CACNA1A: variants seen among roughly 807,000 people sequenced by gnomAD.
The protein encoded by CACNA1A is calcium voltage-gated channel subunit alpha1 A, also known as voltage-dependent P/Q-type calcium channel subunit alpha-1A.
A neutral mutation model predicts 262.4 loss-of-function variants in CACNA1A; 57 were observed. That is an observed-to-expected ratio of 0.22 (90% CI 0.18 to 0.27). The LOEUF is 0.27. Among genes scored for constraint, CACNA1A ranks in the 10% least tolerant of loss-of-function variants. CACNA1A has a pLI of 1.00. For synonymous variants in CACNA1A, 1,431 were observed against 1,419.3 expected (o/e 1.01, Z -0.18); for missense variants, 2,526 against 3,562.8 (o/e 0.71, Z 7.41).
At chr19:13,284,434 G>A (rs994300806) in intron 21 of CACNA1A, 1 of 152,242 alleles carries the variant, frequency 6.6e-6, no homozygotes, top group Non-Finnish European at 1.5e-5. Context: ...TATCTGACAT[G>A]ATCCTTCATT....
chr19:13,212,814 G>A lies in CACNA1A; in HGVS notation c.5941-74C>T, dbSNP rs902046134. The A allele has an allele frequency of 2.9e-5, 19 of 650,104 alleles. No homozygotes were observed. Among genetic ancestry groups the A allele is most frequent in the Admixed American group, 9.7e-5 (3 of 31,044 alleles). 40.3% of individuals were successfully genotyped at this position (650,104 alleles called of 1,614,324 possible). A position where few individuals can be genotyped will look rare whatever the true frequency, so the allele number is the denominator to read the frequency against. ...GACGGTGGTACCCAGAAGGCATTGC[G>A]ACATCCCCAGTATACACACACACAC... On this transcript the variant is annotated intron_variant, in intron 40 of 46. Coordinates refer to ENST00000360228, the MANE Select transcript of CACNA1A (RefSeq NM_001127222.2). This position sits in a 1 kb window ranked among gnomAD's most constrained non-coding sequence, Gnocchi z 5.6.
intron 3 of CACNA1A, among the ~76,000 whole-genome samples, chr19:13,374,431 G>T (rs1385594906): frequency 6.6e-6 from 1 of 151,980 alleles, no homozygotes; most frequent in South Asian, 2.1e-4. Context: ...AATTTTTTTT[G>T]TAGAGATGGG....
At chr19:13,481,509 A>G (rs1979305895) in intron 1 of CACNA1A, among the ~76,000 whole-genome samples, 1 of 148,342 alleles carries the variant, frequency 6.7e-6, no homozygotes, top group South Asian at 2.2e-4. Flanking sequence ...ATCATCACAG[A>G]TCCTTGGAGG....
chr19:13,240,636 T>C (rs1316799720), intron 31 of CACNA1A, among the ~76,000 whole-genome samples: 2 of 151,398 alleles, frequency 1.3e-5, no homozygotes, highest in African/African-American at 4.9e-5. Context: ...GTGTGTGCAG[T>C]GTCTGCGCAG....
chr19:13,468,201 C>G (rs951024948), intron 1 of CACNA1A, among the ~76,000 whole-genome samples: 1 of 151,536 alleles, frequency 6.6e-6, no homozygotes, highest in African/African-American at 2.4e-5. Flanking sequence ...CTCTCGGGGT[C>G]GGGAAGAGAG....
At chr19:13,311,576 G>A (rs897702421) in intron 12 of CACNA1A, among the ~76,000 whole-genome samples, 4 of 152,176 alleles carry the variant, frequency 2.6e-5, no homozygotes, top group East Asian at 1.9e-4. Context: ...GGTGGCTCAC[G>A]CCTGTAATCC....
chr19:13,268,434 ATT>A lies in CACNA1A; in HGVS notation c.3990-5603_3990-5602del, dbSNP rs5827184. On this transcript the variant is annotated intron_variant, in intron 24 of 46. Transcript: ENST00000360228. ...TCCACGACCCCTCTGGAAGTTAGTGATTTTTTTTTTTTTTTTTGAAACGGAGT... is the reference window on the plus strand; with the variant it reads ...TCCACGACCCCTCTGGAAGTTAGTGATTTTTTTTTTTTTTTGAAACGGAGT... Among the ~76,000 whole-genome samples the A allele has an allele frequency of 7.2e-3, 979 of 135,906 alleles. 3 individuals are homozygous for A. Among genetic ancestry groups the A allele is most frequent in the Admixed American group, 0.011 (142 of 13,448 alleles). 89.2% of individuals were successfully genotyped at this position (135,906 alleles called of 152,430 possible). A position where few individuals can be genotyped will look rare whatever the true frequency, so the allele number is the denominator to read the frequency against.
At chr19:13,252,635 C>T (rs555255486) in intron 30 of CACNA1A, 29 of 156,986 alleles carry the variant, frequency 1.8e-4, no homozygotes, top group Admixed American at 1.7e-3. Context: ...GGTGATCCGC[C>T]CACCTTGGCC....
chr19:13,251,769 TTTA>T (rs953723441), intron 30 of CACNA1A, among the ~76,000 whole-genome samples: 6 of 152,074 alleles, frequency 3.9e-5, no homozygotes, highest in South Asian at 4.1e-4. Context: ...CATATTTATT[TTTA>T]TTATTATTAT....
chr19:13,221,645 A>G (rs2144579915), intron 38 of CACNA1A, among the ~76,000 whole-genome samples: 1 of 152,040 alleles, frequency 6.6e-6, no homozygotes, highest in Non-Finnish European at 1.5e-5. Flanking sequence ...GGGACCCCTG[A>G]CCCCTCCGCC....
At chr19:13,462,022 C>T (rs2061133049) in intron 1 of CACNA1A, among the ~76,000 whole-genome samples, 4 of 152,128 alleles carry the variant, frequency 2.6e-5, no homozygotes, top group African/African-American at 7.2e-5. Context: ...TTTGACTCTG[C>T]GTAGGGAAGA....
At chr19:13,375,687 C>T (rs1040612950) in intron 3 of CACNA1A, among the ~76,000 whole-genome samples, 7 of 152,044 alleles carry the variant, frequency 4.6e-5, no homozygotes. Flanking sequence ...ACTTAGGAGG[C>T]TGAGGTGGGA....
intron 3 of CACNA1A, among the ~76,000 whole-genome samples, chr19:13,393,012 G>T (rs950023266): frequency 8.6e-5 from 13 of 152,046 alleles, no homozygotes; most frequent in Admixed American, 5.9e-4. Flanking sequence ...CAAGTGATTT[G>T]CCCCCCTCAG....
intron 3 of CACNA1A, among the ~76,000 whole-genome samples, chr19:13,419,598 A>G (rs779756833): frequency 1.7e-4 from 26 of 151,938 alleles, no homozygotes; most frequent in Non-Finnish European, 3.5e-4. Context: ...GATCGCTTGA[A>G]CCCAGGTGGT....
intron 6 of CACNA1A, among the ~76,000 whole-genome samples, chr19:13,338,725 AG>A (rs914306852): frequency 1.1e-3 from 169 of 152,192 alleles, no homozygotes; most frequent in Admixed American, 2.8e-3. Context: ...ACAGGATATG[AG>A]GGGGGCTTCT....
chr19:13,257,595 G>C (rs775490008), intron 27 of CACNA1A, 44 bp from the exon 28 acceptor site: 1 of 1,385,568 alleles, frequency 7.2e-7, no homozygotes, highest in Non-Finnish European at 1.0e-6. Context: ...AGGAAGGAGA[G>C]AGACAGGGAC....
chr19:13,344,072 G>A (rs2058719472), intron 6 of CACNA1A, among the ~76,000 whole-genome samples: 1 of 151,932 alleles, frequency 6.6e-6, no homozygotes, highest in African/African-American at 2.4e-5. Context: ...AAATTAGCTG[G>A]GTGTGGTGCT....
intron 3 of CACNA1A, among the ~76,000 whole-genome samples, chr19:13,433,173 AT>A (rs987686082): frequency 6.6e-4 from 100 of 151,774 alleles, no homozygotes; most frequent in African/African-American, 2.3e-3. Context: ...GGCACCTGTA[AT>A]CCCAGCTACT....
In CACNA1A at chr19:13,285,206, A is replaced by G. The variant is rs759997306; in HGVS notation, c.3554T>C (p.Val1185Ala). 6.2e-7 allele frequency: 1 copy of G among 1,613,490 alleles called. No individual in the cohort carries two copies. The highest frequency in any genetic ancestry group is 1.1e-5 in the South Asian group (1 of 91,048). The change falls in exon 21 of 47, where the codon GTG (valine) becomes GCG (alanine). Residue 1185 changes from valine (V) to alanine (A), a missense_variant and splice_region_variant. By Grantham distance (64) the Val-to-Ala change is moderately conservative. This residue lies in a region of CACNA1A where 765 missense variants were observed against 748.6 expected (regional missense o/e 1.02). Transcript: ENST00000360228. ...TGGGTCTGGGTTGGCGTTTTTGTTC[A>G]CTGTTGGGACAAGAACCAACACAGG... ...PPPLNHTVVQVNKNANPDPLP... is the reference protein window; with the variant it reads ...PPPLNHTVVQANKNANPDPLP...
Sources: allele counts gnomAD v4.1 joint callset (sites outside exome capture counted in the v4.1 genomes callset), GRCh38; gene constraint gnomAD v4.1.1; regional missense constraint gnomAD v4.1.1; non-coding constraint Gnocchi (gnomAD v3.1); transcripts MANE v1.5; gene names NCBI Gene and HGNC (gene_info 2026-07-23, HGNC 2026-07-21).